The following DPYSL5 variants were observed in gnomAD, a reference collection of about 807,000 sequenced individuals.
The protein encoded by DPYSL5 is dihydropyrimidinase-related protein 5.
A neutral mutation model predicts 58.4 loss-of-function variants in DPYSL5; 9 were observed. That is an observed-to-expected ratio of 0.15 (90% confidence interval 0.09 to 0.27). DPYSL5 has a LOEUF of 0.27. DPYSL5 is among the 10% of genes least tolerant of loss of function. DPYSL5 has a pLI of 1.00. For synonymous variants in DPYSL5, 293 were observed against 301.9 expected, an observed-to-expected ratio of 0.97 and a Z score of 0.31; for missense variants, 499 against 770.6, an observed-to-expected ratio of 0.65 and a Z score of 4.17.
intron 1 of DPYSL5, among the ~76,000 whole-genome samples, chr2:26,870,683 C>T (rs1249151865): frequency 2.1e-5 from 3 of 141,650 alleles, no homozygotes; most frequent in African/African-American, 5.4e-5. Flanking sequence ...CCAGCCTGAG[C>T]GACATAGTAA....
rs997004708 is a variant in DPYSL5, at chr2:26,890,650, C to G, written c.-4-7846C>G. 1.8e-4 allele frequency among the ~76,000 whole-genome samples: 27 copies of G among 152,310 alleles called. No homozygotes were observed. In the East Asian group the frequency reaches 4.4e-3, roughly 25 times the overall value. ...ACCCCTCCTTCTGTATGGCTCAAGG[C>G]TAGATGCTTGTATTAGTCTGCTCAG... On this transcript the variant is annotated intron_variant, in intron 1 of 12. Transcript: ENST00000288699.
intron 2 of DPYSL5, among the ~76,000 whole-genome samples, chr2:26,901,944 C>T (rs1267828161): frequency 1.3e-5 from 2 of 151,988 alleles, no homozygotes; most frequent in African/African-American, 4.8e-5. Context: ...CTCGCTGGCC[C>T]CAGCCTCTGA....
intron 1 of DPYSL5, among the ~76,000 whole-genome samples, chr2:26,869,836 G>C (rs1027623202): frequency 6.6e-6 from 1 of 151,948 alleles, no homozygotes; most frequent in Non-Finnish European, 1.5e-5. Context: ...ACGGTGAAAT[G>C]CCGTCTCTAC....
intron 2 of DPYSL5, among the ~76,000 whole-genome samples, chr2:26,923,403 C>G (rs1381994189): frequency 6.6e-6 from 1 of 152,312 alleles, no homozygotes; most frequent in Non-Finnish European, 1.5e-5. Flanking sequence ...CACATCTGTT[C>G]CATAAGCAAT....
At chr2:26,941,113 T>C (rs1665311799) in intron 9 of DPYSL5, among the ~76,000 whole-genome samples, 2 of 152,054 alleles carry the variant, frequency 1.3e-5, no homozygotes, top group Non-Finnish European at 2.9e-5. Context: ...ATTTTTGTAT[T>C]TTTTATAGAG....
At chr2:26,913,183 C>A (rs1182098375) in intron 2 of DPYSL5, among the ~76,000 whole-genome samples, 1 of 152,208 alleles carries the variant, frequency 6.6e-6, no homozygotes, top group Admixed American at 6.5e-5. Context: ...CACTGCCCAC[C>A]TCCAAAACGT....
chr2:26,898,604 C>T lies in DPYSL5; in HGVS notation c.105C>T (p.Ile35=), dbSNP rs1394056773. ...ACGTCTACATCGAGAATGGCATCAT[C>T]CAGCAGGTGGGCCGCGAGCTCATGA... ...EADVYIENGI[I]QQVGRELMIP... is the part of the protein sequence containing the mutation. The change falls in exon 2 of 13, where the codon ATC becomes ATT. Residue 35 remains isoleucine, a synonymous_variant. Transcript: ENST00000288699. This position sits in a 1 kb window ranked among gnomAD's most constrained non-coding sequence, Gnocchi z 6.1. The T allele has an allele frequency of 1.2e-6, 2 of 1,614,194 alleles. 1 individual carries two copies. The highest frequency in any genetic ancestry group is 4.5e-5 in the East Asian group (2 of 44,888).
chr2:26,884,528 A>T (rs1037979522), intron 1 of DPYSL5, among the ~76,000 whole-genome samples: 49 of 151,462 alleles, frequency 3.2e-4, no homozygotes, highest in African/African-American at 1.1e-3. Flanking sequence ...TCTCACACAC[A>T]CACACACACA....
At chr2:26,932,212 G>GAAAGAAAGAAAGAAAGAAAGAAAGAAAGA (rs1665049720) in intron 6 of DPYSL5, among the ~76,000 whole-genome samples, 4 of 58,522 alleles carry the variant, frequency 6.8e-5, no homozygotes, top group Middle Eastern at 9.3e-3. Context: ...AGAAAGAAAA[G>GAAAGAAAGAAAGAAAGAAAGAAAGAAAGA]AAAGAAAGAA....
At chr2:26,910,616 C>CTTTTTTTTTTTTTTTTTTTTTTTTTCTT (rs34929540) in intron 2 of DPYSL5, among the ~76,000 whole-genome samples, 2 of 118,526 alleles carry the variant, frequency 1.7e-5, no homozygotes, top group South Asian at 2.8e-4. Context: ...TCTTCTTCTT[C>CTTTTTTTTTTTTTTTTTTTTTTTTTCTT]TTTTTTTTTT....
Position 26,947,096 on chromosome 2 carries a change from A to C in DPYSL5, c.*101A>C. The C allele has an allele frequency of 1.9e-6, 2 of 1,078,170 alleles. No individual in the cohort carries two copies. The highest frequency in any genetic ancestry group is 2.7e-6 in the Non-Finnish European group (2 of 730,518). 66.8% of individuals were successfully genotyped at this position (1,078,170 alleles called of 1,614,324 possible). ...CAGGAGAGGCTGGGCTGGGTGGCACACCACCCGAGGGGGGCCCCGGGACCC... is the reference window on the plus strand; with the variant it reads ...CAGGAGAGGCTGGGCTGGGTGGCACCCCACCCGAGGGGGGCCCCGGGACCC... On this transcript the variant is annotated 3_prime_UTR_variant, in exon 13 of 13. Coordinates refer to ENST00000288699, the MANE Select transcript of DPYSL5 (RefSeq NM_020134.4). The surrounding 1 kb of genome is among the most constrained non-coding windows in gnomAD (Gnocchi z 4.2).
intron 1 of DPYSL5, among the ~76,000 whole-genome samples, chr2:26,850,541 A>T (rs994325091): frequency 2.0e-5 from 3 of 151,764 alleles, no homozygotes; most frequent in African/African-American, 7.3e-5. Context: ...ATTGCCATTC[A>T]TTAAAAAAAA....
chr2:26,869,171 C>T (rs1334736458), intron 1 of DPYSL5, among the ~76,000 whole-genome samples: 1 of 152,128 alleles, frequency 6.6e-6, no homozygotes, highest in Non-Finnish European at 1.5e-5. Context: ...CACCATGTTG[C>T]CCAGGTGGAT....
rs1324825675 is a variant in DPYSL5, at chr2:26,948,418, G to A, written c.*1423G>A. ...GTTCCCATGGAAACACTAGAGGCCG[G>A]GTGTCTCCTTCCACCTCCAGTGATC... On this transcript the variant is annotated 3_prime_UTR_variant, in exon 13 of 13. Transcript: ENST00000288699. The A allele has an allele frequency of 2.6e-5, 4 of 152,350 alleles. No homozygotes were observed. The highest frequency in any genetic ancestry group is 2.6e-4 in the Admixed American group (4 of 15,288). The allele number at this position is 152,350 out of a possible 1,614,324, so 9.4% of individuals were successfully genotyped here. A position where few individuals can be genotyped will look rare whatever the true frequency, so the allele number is the denominator to read the frequency against.
At chr2:26,896,016 G>A (rs1400367020) in intron 1 of DPYSL5, among the ~76,000 whole-genome samples, 3 of 151,736 alleles carry the variant, frequency 2.0e-5, no homozygotes, top group Non-Finnish European at 4.4e-5. Context: ...CTGACCTCAT[G>A]ACTCACCCAC....
chr2:26,886,940 GT>G (rs767107119), intron 1 of DPYSL5, among the ~76,000 whole-genome samples: 4 of 152,210 alleles, frequency 2.6e-5, no homozygotes, highest in Non-Finnish European at 5.9e-5. Context: ...CAACTGTCGT[GT>G]ATTGCCTTTT....
rs2148158050 is a variant in DPYSL5 at position 26,924,855 on chromosome 2, T to G, written c.262-32T>G. On this transcript the variant is annotated intron_variant, in intron 2 of 12. Transcript: ENST00000288699. This position sits in a 1 kb window ranked among gnomAD's most constrained non-coding sequence, Gnocchi z 4.7. Reference sequence around the variant, plus strand: ...TCATTGACTCGGGGGCAGGCAGGGCTGTGACGAGACTGCCTTTTCCCGTCT... The same window carrying G: ...TCATTGACTCGGGGGCAGGCAGGGCGGTGACGAGACTGCCTTTTCCCGTCT... 1 of 1,605,506 alleles carries G rather than the reference T, an allele frequency of 6.2e-7. No individual in the cohort carries two copies. The highest frequency in any genetic ancestry group is 1.7e-4 in the Middle Eastern group (1 of 6,024).
Position 26,934,618 on chromosome 2 carries a change from G to A in DPYSL5, c.831G>A (p.Thr277=), listed in dbSNP as rs1315531182. 5.6e-6 allele frequency: 9 copies of A among 1,613,606 alleles called. No homozygotes were observed. The highest frequency in any genetic ancestry group is 1.8e-4 in the Middle Eastern group (1 of 5,702). Residue 277 remains threonine, a synonymous_variant, in exon 8 of 13, where the codon ACG becomes ACA. Coordinates refer to ENST00000288699, the MANE Select transcript of DPYSL5 (RefSeq NM_020134.4). The surrounding 1 kb of genome is among the most constrained non-coding windows in gnomAD (Gnocchi z 4.3). ...VLAETTTAHA[T]LTGLHYYHQD... ...CGGAGACCACCACTGCACATGCCAC[G>A]CTGACAGGCTTACACTACTACCACC...
intron 2 of DPYSL5, among the ~76,000 whole-genome samples, chr2:26,900,200 G>A (rs1664120529): frequency 6.6e-6 from 1 of 152,158 alleles, no homozygotes; most frequent in Non-Finnish European, 1.5e-5. Flanking sequence ...CCAGTCACAG[G>A]TTCCCATCAG....
Sources: allele counts gnomAD v4.1 joint callset (sites outside exome capture counted in the v4.1 genomes callset), GRCh38; gene constraint gnomAD v4.1.1; non-coding constraint Gnocchi (gnomAD v3.1); transcripts MANE v1.5; gene names NCBI Gene and HGNC (gene_info 2026-07-23, HGNC 2026-07-21).